TVP23B: variants seen among roughly 807,000 people sequenced by gnomAD.
TVP23B encodes trans-golgi network vesicle protein 23 homolog B.
Under a neutral mutation model 30.6 loss-of-function variants are expected in TVP23B, and 10 were observed. That is an observed-to-expected ratio of 0.33 (90% CI 0.20 to 0.55). The LOEUF is 0.55. Ranked by LOEUF, TVP23B falls within the 20% of genes least tolerant of loss-of-function variation. The pLI is 0.91. For synonymous variants in TVP23B, 67 were observed against 83.1 expected, an observed-to-expected ratio of 0.81 and a Z score of 1.06; for missense variants, 153 against 243.2, an observed-to-expected ratio of 0.63 and a Z score of 2.47.
At chr17:18,800,098 C>T (rs1224124349) in intron 5 of TVP23B, among the ~76,000 whole-genome samples, 2 of 151,782 alleles carry the variant, frequency 1.3e-5, no homozygotes, top group Non-Finnish European at 2.9e-5. Context: ...TTAACTTCTC[C>T]CTCCTCCTAC....
intron 5 of TVP23B, among the ~76,000 whole-genome samples, chr17:18,802,118 A>T (rs2036177249): frequency 6.6e-6 from 1 of 152,164 alleles, no homozygotes; most frequent in Non-Finnish European, 1.5e-5. Context: ...GTTACTCGGG[A>T]GGCTGAGGCA....
rs532770781 is a variant in TVP23B at position 18,781,240 on chromosome 17, C to T, written c.-54C>T. ...GGTCGCCTCAGTTCCGACCCGGACC[C>T]GTACGCTGCTGCGCTGACGTGGCTC... On this transcript the variant is annotated 5_prime_UTR_variant, in exon 1 of 7. Transcript: ENST00000307767. 6.0e-5 allele frequency: 94 copies of T among 1,554,044 alleles called. No homozygotes were observed. The highest frequency in any genetic ancestry group is 5.5e-4 in the East Asian group (23 of 41,570).
At position 18,805,753 on chromosome 17, in the gene TVP23B, G is replaced by A; in HGVS notation, c.*186G>A. 1 of 1,432,914 alleles carries A rather than the reference G, an allele frequency of 7.0e-7. No homozygotes were observed. The highest frequency in any genetic ancestry group is 1.6e-5 in the South Asian group (1 of 62,322). 88.8% of individuals were successfully genotyped at this position (1,432,914 alleles called of 1,614,324 possible). ...TTTTATTTCCTTTCCAGCAGTTGGGGCTAGAAAGTATGTGTTGGCACTAGA... is the reference window on the plus strand; with the variant it reads ...TTTTATTTCCTTTCCAGCAGTTGGGACTAGAAAGTATGTGTTGGCACTAGA... On this transcript the variant is annotated 3_prime_UTR_variant, in exon 7 of 7. Transcript: ENST00000307767.
chr17:18,787,402 C>CA (rs565447334), intron 1 of TVP23B, among the ~76,000 whole-genome samples: 9,685 of 87,630 alleles, frequency 0.11, 252 homozygotes, highest in Middle Eastern at 0.24. Context: ...GACTCTGTCT[C>CA]AAAAAAAAAA....
At chr17:18,782,836 C>G (rs2035829045) in intron 1 of TVP23B, among the ~76,000 whole-genome samples, 1 of 151,734 alleles carries the variant, frequency 6.6e-6, no homozygotes, top group South Asian at 2.1e-4. Flanking sequence ...TTTTGGCTGG[C>G]TCCTTTATTG....
At chr17:18,791,908 A>G (rs974582017) in intron 3 of TVP23B, among the ~76,000 whole-genome samples, 19 of 152,160 alleles carry the variant, frequency 1.2e-4, no homozygotes, top group African/African-American at 3.4e-4. Flanking sequence ...GTTCGAAAAT[A>G]TAGTAAAATA....
At chr17:18,786,149 G>C (rs907512384) in intron 1 of TVP23B, among the ~76,000 whole-genome samples, 4 of 152,086 alleles carry the variant, frequency 2.6e-5, no homozygotes, top group African/African-American at 9.7e-5. Context: ...TGTTTCCCTT[G>C]TAAGGACCAT....
chr17:18,784,304 C>T (rs2035866784), intron 1 of TVP23B, among the ~76,000 whole-genome samples: 1 of 152,182 alleles, frequency 6.6e-6, no homozygotes, highest in Non-Finnish European at 1.5e-5. Flanking sequence ...TCCCCTCTCC[C>T]AACCATACTG....
rs1318630111 is a variant in TVP23B, at chr17:18,798,176, T to C, written c.330+508T>C. ...TGTTTTGGGTTAGCCTGCTACACTA[T>C]AGTGAATATTCACTTTCCTTGTGGA... On this transcript the variant is annotated intron_variant, in intron 4 of 6. Transcript: ENST00000307767. Among the ~76,000 whole-genome samples the C allele has an allele frequency of 2.0e-5, 3 of 152,188 alleles. 1 individual carries two copies. Among genetic ancestry groups the C allele is most frequent in the Admixed American group, 1.3e-4 (2 of 15,282 alleles).
intron 1 of TVP23B, among the ~76,000 whole-genome samples, chr17:18,787,276 C>T (rs2035921805): frequency 6.6e-6 from 1 of 151,772 alleles, no homozygotes; most frequent in Non-Finnish European, 1.5e-5. Flanking sequence ...AGACACACTC[C>T]TGTAATCCCA....
chr17:18,799,027 T>C, intron 5 of TVP23B, 84 bp downstream of exon 5: 2 of 1,497,158 alleles, frequency 1.3e-6, no homozygotes, highest in Non-Finnish European at 1.8e-6. Context: ...ACTGAGTCCT[T>C]ATCATTAGGG....
chr17:18,796,683 GT>G (rs1482747002), intron 3 of TVP23B: 8 of 152,214 alleles, frequency 5.3e-5, no homozygotes, highest in African/African-American at 1.9e-4. Context: ...TTCATAGTTT[GT>G]TGTCTACATT....
chr17:18,787,472 T>G (rs2035926330), intron 1 of TVP23B, among the ~76,000 whole-genome samples: 2 of 149,464 alleles, frequency 1.3e-5, no homozygotes, highest in Admixed American at 6.7e-5. Context: ...TAGGAGCGGG[T>G]AGATGTGCAA....
chr17:18,781,593 G>A (rs1289714183), intron 1 of TVP23B: 10 of 445,004 alleles, frequency 2.2e-5, no homozygotes, highest in African/African-American at 1.4e-4. Context: ...AACCCTTATT[G>A]CCGGGGTGGA....
At position 18,802,313 on chromosome 17, in the gene TVP23B, C is replaced by T. The variant is rs200305571; in HGVS notation, c.463-1825C>T. Among the ~76,000 whole-genome samples, 75 of 152,170 alleles carry T rather than the reference C, an allele frequency of 4.9e-4. 1 individual carries two copies. The East Asian group carries it at 9.9e-3, about 20-fold the overall frequency. On this transcript the variant is annotated intron_variant, in intron 5 of 6. Transcript: ENST00000307767. ...CCCAGTCTCTCCATGAGTCTCCCAC[C>T]TCCTCACTTCTCTTAAGATGATCAT...
intron 1 of TVP23B, among the ~76,000 whole-genome samples, chr17:18,784,482 T>C (rs1597612979): frequency 1.3e-5 from 2 of 152,052 alleles, no homozygotes; most frequent in African/African-American, 4.8e-5. Context: ...CCGTCTCTAC[T>C]AAAAATACAA....
Position 18,797,211 on chromosome 17 carries a change from A to T in TVP23B, c.241-368A>T, listed in dbSNP as rs1312804465. 3 of 248,650 alleles carry T rather than the reference A, an allele frequency of 1.2e-5. No homozygotes were observed. The East Asian group carries it at 3.2e-4, about 27-fold the overall frequency. The allele number at this position is 248,650 out of a possible 1,614,324, so 15.4% of individuals were successfully genotyped here. Reference sequence around the variant, plus strand: ...AGTGTCTATAATCATTTTCAGGGATATGTAGTTGTAAAATACATGTAGCTA... The same window carrying T: ...AGTGTCTATAATCATTTTCAGGGATTTGTAGTTGTAAAATACATGTAGCTA... On this transcript the variant is annotated intron_variant, in intron 3 of 6. Transcript: ENST00000307767.
At chr17:18,784,105 A>G (rs1343590983) in intron 1 of TVP23B, among the ~76,000 whole-genome samples, 4 of 151,998 alleles carry the variant, frequency 2.6e-5, no homozygotes, top group Non-Finnish European at 2.9e-5. Flanking sequence ...AGATCGCGCC[A>G]CTGCACTCCA....
rs139903306 is a variant in TVP23B at position 18,783,874 on chromosome 17, C to T, written c.12+2569C>T. Among the ~76,000 whole-genome samples the T allele has an allele frequency of 5.8e-3, 878 of 152,276 alleles. 10 individuals carry two copies. Among genetic ancestry groups the T allele is most frequent in the African/African-American group, 0.02 (822 of 41,552 alleles). ...TAAAAAATGAAAACTTGGCCGGGCG[C>T]GGTGGCTCACGCCTGTAATCCCAGC... is the stretch of plus-strand genomic sequence containing the variant. On this transcript the variant is annotated intron_variant, in intron 1 of 6. Transcript: ENST00000307767.
Sources: gnomAD v4.1 joint callset for allele counts (sites outside exome capture counted in the v4.1 genomes callset) on GRCh38, gnomAD v4.1.1 for gene constraint, MANE v1.5 for transcripts, NCBI Gene and HGNC (gene_info 2026-07-23, HGNC 2026-07-21) for gene names.